Variants in CACNA1A observed in about 807,000 individuals in gnomAD.
CACNA1A encodes voltage-dependent P/Q-type calcium channel subunit alpha-1A.
In CACNA1A, 57 loss-of-function variants were observed where a neutral mutation model predicts 262.4. The ratio of observed to expected loss-of-function variants is 0.22; its 90% CI spans 0.18 to 0.27. CACNA1A has a LOEUF of 0.27. Ranked by LOEUF, CACNA1A falls within the 10% of genes least tolerant of loss-of-function variation. CACNA1A has a pLI of 1.00. For missense variants in CACNA1A, 2,526 were observed against 3,562.8 expected (o/e 0.71, Z 7.41); for synonymous variants, 1,431 against 1,419.3 (o/e 1.01, Z -0.18).
intron 6 of CACNA1A, among the ~76,000 whole-genome samples, chr19:13,354,051 T>C (rs895649135): frequency 5.9e-5 from 9 of 152,324 alleles, no homozygotes; most frequent in African/African-American, 1.7e-4. Context: ...GTCTTCTTCG[T>C]TGCAGTGTCT....
chr19:13,359,473 G>A, intron 6 of CACNA1A, 133 bp downstream of exon 6: 1 of 648,580 alleles, frequency 1.5e-6, no homozygotes, highest in South Asian at 2.0e-5. Context: ...CAGCTTCAGT[G>A]GGGCTGTGTT....
intron 1 of CACNA1A, among the ~76,000 whole-genome samples, chr19:13,456,415 G>A (rs1390279763): frequency 6.6e-6 from 1 of 152,172 alleles, no homozygotes; most frequent in African/African-American, 2.4e-5. Context: ...GCTCACGCCT[G>A]TAATCCCAGA....
intron 3 of CACNA1A, among the ~76,000 whole-genome samples, chr19:13,401,615 G>A (rs1329725458): frequency 6.6e-6 from 1 of 152,140 alleles, no homozygotes; most frequent in African/African-American, 2.4e-5. Flanking sequence ...AATGCAGGCA[G>A]AAGTGTTGTT....
chr19:13,469,460 C>CTTTT (rs1164678494), intron 1 of CACNA1A, among the ~76,000 whole-genome samples: 1 of 62,152 alleles, frequency 1.6e-5, no homozygotes, highest in African/African-American at 6.7e-5. Context: ...TGAACCACCT[C>CTTTT]TTTTTTTTTT....
At chr19:13,234,804 G>C (rs1206378464) in intron 34 of CACNA1A, 117 bp downstream of exon 34, 1 of 733,474 alleles carries the variant, frequency 1.4e-6, no homozygotes, top group Non-Finnish European at 2.4e-6. Flanking sequence ...CAGAAGAGAA[G>C]GAGGAGGGCA....
chr19:13,441,121 G>A (rs1041418275), intron 3 of CACNA1A, among the ~76,000 whole-genome samples: 1 of 152,074 alleles, frequency 6.6e-6, no homozygotes, highest in Non-Finnish European at 1.5e-5. Context: ...CCAAGTCAGG[G>A]GATGCTACTA....
intron 28 of CACNA1A, 110 bp downstream of exon 28, chr19:13,257,240 C>G: frequency 2.4e-6 from 2 of 836,094 alleles, no homozygotes; most frequent in South Asian, 3.4e-5. Context: ...GACAATGCTT[C>G]TGTTCCCTCC....
At chr19:13,230,981 C>T (rs901798885) in intron 35 of CACNA1A, among the ~76,000 whole-genome samples, 6 of 148,618 alleles carry the variant, frequency 4.0e-5, no homozygotes, top group South Asian at 2.2e-4. Context: ...TTTCTTCCCT[C>T]GCAATGTTTT....
rs947338651 is a variant in CACNA1A at position 13,206,870 on chromosome 19, G to GGAAA, written c.*439_*442dup. 10 of 151,610 alleles carry GGAAA rather than the reference G, an allele frequency of 6.6e-5. No individual in the cohort carries two copies. Among genetic ancestry groups the GGAAA allele is most frequent in the Middle Eastern group, 6.6e-4 (1 of 1,514 alleles). The allele number at this position is 151,610 out of a possible 1,614,324, so 9.4% of individuals were successfully genotyped here. A position where few individuals can be genotyped will look rare whatever the true frequency, so the allele number is the denominator to read the frequency against. ...CCACCAGCTGTCTTCATCAGGGAAA[G>GGAAA]GAAAGATTCAATTGAGATGATAAAA... On this transcript the variant is annotated 3_prime_UTR_variant, in exon 47 of 47. Transcript: ENST00000360228.
chr19:13,461,380 C>CAAAAG, intron 1 of CACNA1A, among the ~76,000 whole-genome samples: 1 of 150,746 alleles, frequency 6.6e-6, no homozygotes, highest in African/African-American at 2.5e-5. Context: ...CAAAACAAAA[C>CAAAAG]AAAAATCACC....
At chr19:13,334,322 T>G in intron 8 of CACNA1A, 56 bp downstream of exon 8, 1 of 948,992 alleles carries the variant, frequency 1.1e-6, no homozygotes, top group Non-Finnish European at 1.7e-6. Flanking sequence ...ATGACTCTCT[T>G]TGTACTCCGT....
chr19:13,450,926 A>G (rs1205541766), intron 3 of CACNA1A: 1 of 152,178 alleles, frequency 6.6e-6, no homozygotes, highest in Non-Finnish European at 1.5e-5. Context: ...TGGCCTCCCA[A>G]TGTGCTGGGA....
intron 31 of CACNA1A, among the ~76,000 whole-genome samples, chr19:13,242,131 C>G (rs988378236): frequency 1.3e-5 from 2 of 152,160 alleles, no homozygotes; most frequent in Non-Finnish European, 2.9e-5. Flanking sequence ...CACCCACCCC[C>G]TATCTTTCCC....
intron 6 of CACNA1A, among the ~76,000 whole-genome samples, chr19:13,339,943 A>T (rs1363940050): frequency 6.6e-6 from 1 of 152,214 alleles, no homozygotes; most frequent in East Asian, 1.9e-4. Context: ...GAAAGAACCG[A>T]GTCAGCGGAA....
intron 6 of CACNA1A, among the ~76,000 whole-genome samples, chr19:13,356,599 C>T (rs1269321867): frequency 6.6e-6 from 1 of 152,218 alleles, no homozygotes; most frequent in Non-Finnish European, 1.5e-5. Context: ...CCCCCAGCAT[C>T]TTAATCTGAA....
chr19:13,348,429 A>G (rs1267422055), intron 6 of CACNA1A, among the ~76,000 whole-genome samples: 1 of 152,160 alleles, frequency 6.6e-6, no homozygotes, highest in Non-Finnish European at 1.5e-5. Flanking sequence ...AAGGCTGGGC[A>G]TGGTGGCTCA....
At chr19:13,492,695 A>G (rs966210848) in intron 1 of CACNA1A, among the ~76,000 whole-genome samples, 6 of 151,898 alleles carry the variant, frequency 4.0e-5, no homozygotes, top group Non-Finnish European at 7.4e-5. Context: ...TATCGGGGGG[A>G]AAAAAGGAGT....
intron 3 of CACNA1A, among the ~76,000 whole-genome samples, chr19:13,385,520 G>A (rs942783797): frequency 6.6e-6 from 1 of 151,792 alleles, no homozygotes; most frequent in South Asian, 2.1e-4. Context: ...GAGCCACTGC[G>A]CCCGGCCTTC....
At chr19:13,321,555 C>G (rs112217528) in intron 10 of CACNA1A, among the ~76,000 whole-genome samples, 2 of 152,296 alleles carry the variant, frequency 1.3e-5, no homozygotes, top group African/African-American at 4.8e-5. Context: ...ATGTTGTAGC[C>G]TACTCCACAC....
Sources: gnomAD v4.1 joint callset for allele counts (sites outside exome capture counted in the v4.1 genomes callset) on GRCh38, gnomAD v4.1.1 for gene constraint, MANE v1.5 for transcripts, NCBI Gene and HGNC (gene_info 2026-07-23, HGNC 2026-07-21) for gene names.